The following ZNF609 variants were observed in gnomAD, a reference collection of about 807,000 sequenced individuals.
ZNF609 encodes the protein zinc finger protein 609.
Under a neutral mutation model 109.5 loss-of-function variants are expected in ZNF609, and 11 were observed. The observed-to-expected ratio is 0.10, with a 90% CI of 0.06 to 0.17. The LOEUF (loss-of-function observed/expected upper bound fraction) is 0.17, where lower values mean the gene tolerates loss of function less well. Ranked by LOEUF, ZNF609 falls within the 10% of genes least tolerant of loss-of-function variation. ZNF609 has a pLI of 1.00. For synonymous variants in ZNF609, 646 were observed against 662.0 expected, an observed-to-expected ratio of 0.98 and a Z score of 0.37; for missense variants, 1,559 against 1,772.4, an observed-to-expected ratio of 0.88 and a Z score of 2.16.
At chr15:64,569,701 C>T (rs1207821426) in intron 2 of ZNF609, among the ~76,000 whole-genome samples, 1 of 152,262 alleles carries the variant, frequency 6.6e-6, no homozygotes, top group Non-Finnish European at 1.5e-5. Context: ...CTTGTCTTAG[C>T]ACTTCTCCTT....
chr15:64,532,485 ATAC>A (rs1308385777), intron 2 of ZNF609, among the ~76,000 whole-genome samples: 1 of 152,238 alleles, frequency 6.6e-6, no homozygotes. Flanking sequence ...AGTATGGTAA[ATAC>A]TAATCTCATT....
intron 2 of ZNF609, among the ~76,000 whole-genome samples, chr15:64,614,026 C>A (rs535036312): frequency 6.6e-6 from 1 of 151,508 alleles, no homozygotes; most frequent in Non-Finnish European, 1.5e-5. Context: ...CAGGTTCAAG[C>A]GATTCTTGTG....
At chr15:64,663,349 C>A (rs1019262113) in intron 3 of ZNF609, among the ~76,000 whole-genome samples, 1 of 152,016 alleles carries the variant, frequency 6.6e-6, no homozygotes, top group Non-Finnish European at 1.5e-5. Flanking sequence ...GACCTGAACA[C>A]CTAGAAGGAT....
At chr15:64,490,537 G>T (rs1893399706) in intron 1 of ZNF609, among the ~76,000 whole-genome samples, 1 of 152,104 alleles carries the variant, frequency 6.6e-6, no homozygotes, top group African/African-American at 2.4e-5. Context: ...GCCTCCCAAA[G>T]TGCTGGGATT....
chr15:64,527,147 A>C (rs994327626), intron 2 of ZNF609, among the ~76,000 whole-genome samples: 1 of 150,942 alleles, frequency 6.6e-6, no homozygotes, highest in Non-Finnish European at 1.5e-5. Context: ...TAACATTGGA[A>C]ATTCTGTTTA....
chr15:64,460,599 C>G lies in ZNF609; in HGVS notation c.-367C>G, dbSNP rs1056848912. ...CTCTGGTTGTCCCGGATCGCGGCGGCGGCGGCGGTGGCGGCGGCTGAGGGA... is the reference window on the plus strand; with the variant it reads ...CTCTGGTTGTCCCGGATCGCGGCGGGGGCGGCGGTGGCGGCGGCTGAGGGA... On this transcript the variant is annotated 5_prime_UTR_variant, in exon 1 of 10. Transcript: ENST00000326648. 1 of 162,236 alleles carries G rather than the reference C, an allele frequency of 6.2e-6. No homozygotes were observed. Among genetic ancestry groups the G allele is most frequent in the Non-Finnish European group, 1.3e-5 (1 of 76,236 alleles). The allele number at this position is 162,236 out of a possible 1,614,324, so 10.0% of individuals were successfully genotyped here. A position where few individuals can be genotyped will look rare whatever the true frequency, so the allele number is the denominator to read the frequency against.
At chr15:64,611,056 A>T (rs1300186636) in intron 2 of ZNF609, among the ~76,000 whole-genome samples, 1 of 152,184 alleles carries the variant, frequency 6.6e-6, no homozygotes, top group African/African-American at 2.4e-5. Context: ...AGAGTGGAGT[A>T]AAGATGACAC....
intron 2 of ZNF609, among the ~76,000 whole-genome samples, chr15:64,605,372 G>A (rs1895578020): frequency 6.6e-6 from 1 of 152,150 alleles, no homozygotes; most frequent in African/African-American, 2.4e-5. Context: ...GGGAGGGAAA[G>A]CATGATAAAA....
chr15:64,563,858 T>TTACAGGCGTGAG (rs1894730553), intron 2 of ZNF609, among the ~76,000 whole-genome samples: 1 of 152,146 alleles, frequency 6.6e-6, no homozygotes, highest in Non-Finnish European at 1.5e-5. Flanking sequence ...AGTGGTGGGA[T>TTACAGGCGTGAG]TACAGGCGTG....
At chr15:64,476,417 G>A (rs907231609) in intron 1 of ZNF609, among the ~76,000 whole-genome samples, 1 of 152,092 alleles carries the variant, frequency 6.6e-6, no homozygotes, top group South Asian at 2.1e-4. Context: ...GGAGAATTGG[G>A]AGTGGAAAAG....
chr15:64,503,333 A>G lies in ZNF609; in HGVS notation c.747+3167A>G, dbSNP rs1893588288. Among the ~76,000 whole-genome samples the G allele has an allele frequency of 2.0e-5, 3 of 152,266 alleles. No individual in the cohort carries two copies. In the South Asian group the frequency reaches 6.2e-4, roughly 32 times the overall value. On this transcript the variant is annotated intron_variant, in intron 2 of 9. Coordinates refer to ENST00000326648, the MANE Select transcript of ZNF609 (RefSeq NM_015042.2). ...CTGCCTCATACTTCCTGCCAGCTGA[A>G]GAGATGGGGGAGGGAATGTTGAGGA...
At chr15:64,473,078 T>C (rs1893112877) in intron 1 of ZNF609, among the ~76,000 whole-genome samples, 1 of 152,094 alleles carries the variant, frequency 6.6e-6, no homozygotes, top group African/African-American at 2.4e-5. Flanking sequence ...ACTTGGCATA[T>C]GCTTTCAGAT....
intron 2 of ZNF609, among the ~76,000 whole-genome samples, chr15:64,534,378 C>G (rs1894107848): frequency 6.7e-6 from 1 of 150,248 alleles, no homozygotes; most frequent in African/African-American, 2.5e-5. Flanking sequence ...GTGGTGTGAT[C>G]TGGGCCCACT....
chr15:64,676,254 C>G lies in ZNF609; in HGVS notation c.3400C>G (p.Gln1134Glu). Residue 1134 changes from glutamine to glutamate, a missense_variant and splice_region_variant, in exon 5 of 10, where the codon CAG (glutamine) becomes GAG (glutamate). By Grantham distance (29) the Gln-to-Glu change is conservative. Transcript: ENST00000326648. ...AEMDPILWYR[Q>E]EAEPRMWTYV... Reference sequence around the variant, plus strand: ...GATGGATCCAATACTCTGGTACCGACAGGTAACTGTTGCCCTGGGAGGAAG... The same window carrying G: ...GATGGATCCAATACTCTGGTACCGAGAGGTAACTGTTGCCCTGGGAGGAAG... 6.3e-7 allele frequency: 1 copy of G among 1,596,668 alleles called. No homozygotes were observed. Among genetic ancestry groups the G allele is most frequent in the Non-Finnish European group, 8.5e-7 (1 of 1,172,020 alleles).
chr15:64,563,213 G>T (rs1894708919), intron 2 of ZNF609, among the ~76,000 whole-genome samples: 1 of 151,886 alleles, frequency 6.6e-6, no homozygotes, highest in South Asian at 2.1e-4. Flanking sequence ...ACTTTGGGAG[G>T]CCAAGGTAGG....
intron 2 of ZNF609, among the ~76,000 whole-genome samples, chr15:64,563,356 T>TGGG (rs1894713125): frequency 7.2e-6 from 1 of 138,500 alleles, no homozygotes; most frequent in Non-Finnish European, 1.5e-5. Context: ...GAGGCTGAGG[T>TGGG]GGGAGGATTG....
intron 2 of ZNF609, among the ~76,000 whole-genome samples, chr15:64,602,956 A>G (rs1895528589): frequency 7.9e-6 from 1 of 127,226 alleles, no homozygotes; most frequent in Non-Finnish European, 1.6e-5. Flanking sequence ...TGTGTTAGCC[A>G]GGATGGTCTC....
At position 64,490,588 on chromosome 15, in the gene ZNF609, T is replaced by G. The variant is rs1893400375; in HGVS notation, c.-127-8705T>G. 2.0e-5 allele frequency among the ~76,000 whole-genome samples: 3 copies of G among 152,130 alleles called. No homozygotes were observed. In the South Asian group the frequency reaches 6.2e-4, roughly 32 times the overall value. ...CGTGCCCAGCCCCCAGCTAGTAGTT[T>G]TTTTTTAATTGTTTACCTCAGATAA... On this transcript the variant is annotated intron_variant, in intron 1 of 9. Transcript: ENST00000326648.
chr15:64,522,901 A>C (rs757704401), intron 2 of ZNF609, among the ~76,000 whole-genome samples: 2 of 151,776 alleles, frequency 1.3e-5, no homozygotes, highest in African/African-American at 2.4e-5. Context: ...TTCTATGTTG[A>C]CCAGTCTAGA....
Sources: gnomAD v4.1 joint callset for allele counts (sites outside exome capture counted in the v4.1 genomes callset) on GRCh38, gnomAD v4.1.1 for gene constraint, MANE v1.5 for transcripts, NCBI Gene and HGNC (gene_info 2026-07-23, HGNC 2026-07-21) for gene names.